The following DNMT3A variants were observed in gnomAD, a reference collection of about 807,000 sequenced individuals.
DNMT3A encodes the protein DNA (cytosine-5)-methyltransferase 3A.
In DNMT3A, 267 loss-of-function variants were observed where a neutral mutation model predicts 117.6. The ratio of observed to expected loss-of-function variants is 2.27; its 90% CI spans 2.05 to 2.51. DNMT3A has a LOEUF of 2.51. DNMT3A is among the 30% of genes most tolerant of loss of function. The pLI is 0.00. For synonymous variants in DNMT3A, 432 were observed against 474.8 expected (o/e 0.91, Z 1.17); for missense variants, 1,029 against 1,260.2 (o/e 0.82, Z 2.78).
chr2:25,273,174 C>T (rs1340374064), intron 6 of DNMT3A, among the ~76,000 whole-genome samples: 2 of 151,896 alleles, frequency 1.3e-5, no homozygotes, highest in Middle Eastern at 3.2e-3. Flanking sequence ...CAGGGTTTTG[C>T]CATGTTGGGC....
intron 4 of DNMT3A, among the ~76,000 whole-genome samples, chr2:25,276,413 A>G (rs967213566): frequency 3.9e-5 from 6 of 152,178 alleles, no homozygotes; most frequent in African/African-American, 1.4e-4. Flanking sequence ...TAGGTGCTCA[A>G]TACATGTTAG....
intron 3 of DNMT3A, among the ~76,000 whole-genome samples, chr2:25,284,645 T>TGAAAAAAAAAAAAA (rs1287436463): frequency 6.0e-5 from 1 of 16,632 alleles, no homozygotes; most frequent in Admixed American, 8.1e-4. Flanking sequence ...AGACTCCATC[T>TGAAAAAAAAAAAAA]AAAAAAAAAA....
At chr2:25,277,347 T>TC (rs2031510427) in intron 4 of DNMT3A, among the ~76,000 whole-genome samples, 1 of 151,754 alleles carries the variant, frequency 6.6e-6, no homozygotes, top group Non-Finnish European at 1.5e-5. Flanking sequence ...GGCCAGGGCT[T>TC]CCCCCTCCTC....
At chr2:25,321,155 A>G (rs2034582098) in intron 1 of DNMT3A, among the ~76,000 whole-genome samples, 1 of 151,950 alleles carries the variant, frequency 6.6e-6, no homozygotes, top group African/African-American at 2.4e-5. Flanking sequence ...TTATCTTGCA[A>G]TTCTGCAAGT....
chr2:25,236,992 T>G lies in DNMT3A; in HGVS notation c.2422A>C (p.Thr808Pro), dbSNP rs1673441593. 6.2e-7 allele frequency: 1 copy of G among 1,613,662 alleles called. No individual in the cohort carries two copies. Among genetic ancestry groups the G allele is most frequent in the Non-Finnish European group, 8.5e-7 (1 of 1,179,916 alleles). The change falls in exon 21 of 23, where the codon ACT (threonine) becomes CCT (proline). Residue 808 changes from threonine to proline, a missense_variant. By Grantham distance (38) the Thr-to-Pro change is conservative. Coordinates refer to ENST00000321117, the MANE Select transcript of DNMT3A (RefSeq NM_022552.5). The surrounding 1 kb of genome is among the most constrained non-coding windows in gnomAD (Gnocchi z 4.5). ...LPGMNRPLAS[T>P]VNDKLELQEC... is the part of the protein sequence containing the mutation. ...TGCAGCTCCAGCTTATCATTCACAGTGGATGCCAACGGCCTAGGAGGCAGA... is the reference window on the plus strand; with the variant it reads ...TGCAGCTCCAGCTTATCATTCACAGGGGATGCCAACGGCCTAGGAGGCAGA...
Position 25,228,041 on chromosome 2 carries a change from T to TAAAC in DNMT3A, c.*6234_*6237dup, listed in dbSNP as rs1207792841. 1.3e-5 allele frequency: 2 copies of TAAAC among 151,050 alleles called. No homozygotes were observed. The highest frequency in any genetic ancestry group is 4.9e-5 in the African/African-American group (2 of 41,074). The allele number at this position is 151,050 out of a possible 1,614,324, so 9.4% of individuals were successfully genotyped here. On this transcript the variant is annotated 3_prime_UTR_variant, in exon 23 of 23. Transcript: ENST00000321117. The stretch of plus-strand genomic sequence containing the variant: ...CGCATTGACCTCTTTAATTATTTCA[T>TAAAC]AAACAGCTATGTCACGAGCATCACT...
In DNMT3A at chr2:25,252,678, CG is replaced by C; in HGVS notation, c.640-4427del. 6.6e-6 allele frequency among the ~76,000 whole-genome samples: 1 copy of C among 151,624 alleles called. No individual in the cohort carries two copies. Among genetic ancestry groups the C allele is most frequent in the East Asian group, 1.9e-4 (1 of 5,134 alleles). ...CCCGAGCCGCCTGCCCGGAGGGAGC[CG>C]GGGGTCCGGGCGAAAGCAAGCCGGA... is the stretch of plus-strand genomic sequence containing the variant. On this transcript the variant is annotated intron_variant, in intron 6 of 22. Coordinates refer to ENST00000321117, the MANE Select transcript of DNMT3A (RefSeq NM_022552.5). The surrounding 1 kb of genome is among the most constrained non-coding windows in gnomAD (Gnocchi z 5.5).
chr2:25,340,090 C>G (rs1474666054), intron 1 of DNMT3A, among the ~76,000 whole-genome samples: 2 of 152,238 alleles, frequency 1.3e-5, no homozygotes, highest in Non-Finnish European at 2.9e-5. Context: ...TCTGTCCCCG[C>G]TGGTTTGGAG....
intron 1 of DNMT3A, among the ~76,000 whole-genome samples, chr2:25,321,751 T>C (rs1338599468): frequency 6.6e-6 from 1 of 152,160 alleles, no homozygotes; most frequent in Non-Finnish European, 1.5e-5. Flanking sequence ...CCGAGTGTGG[T>C]GGCACATGCC....
chr2:25,288,109 T>C (rs2032450259), intron 3 of DNMT3A, among the ~76,000 whole-genome samples: 1 of 149,552 alleles, frequency 6.7e-6, no homozygotes, highest in African/African-American at 2.5e-5. Flanking sequence ...GTGCTGAGAT[T>C]ACAGGCATGA....
At chr2:25,299,011 C>G (rs1269998522) in intron 3 of DNMT3A, among the ~76,000 whole-genome samples, 1 of 151,880 alleles carries the variant, frequency 6.6e-6, no homozygotes, top group African/African-American at 2.4e-5. Context: ...GGAGCAAGTC[C>G]TGGGCTCCAT....
rs193196946 is a variant in DNMT3A, at chr2:25,296,711, G to A, written c.177+3428C>T. The stretch of plus-strand genomic sequence containing the variant: ...GGCAGGTGGAGTCTGGTTTGGGTGA[G>A]GGCAATGCCAGGGGGCAGAAGGCAC... On this transcript the variant is annotated intron_variant, in intron 3 of 22. Coordinates refer to ENST00000321117, the MANE Select transcript of DNMT3A (RefSeq NM_022552.5). The surrounding 1 kb of genome is among the most constrained non-coding windows in gnomAD (Gnocchi z 4.2). Among the ~76,000 whole-genome samples the A allele has an allele frequency of 2.6e-5, 4 of 152,328 alleles. No individual in the cohort carries two copies. Among genetic ancestry groups the A allele is most frequent in the Admixed American group, 2.0e-4 (3 of 15,312 alleles).
chr2:25,235,287 C>T (rs201551249), intron 22 of DNMT3A, among the ~76,000 whole-genome samples: 2 of 151,880 alleles, frequency 1.3e-5, no homozygotes, highest in African/African-American at 4.8e-5. Flanking sequence ...CAGGTTCAAG[C>T]GATTCTCCTG....
chr2:25,319,083 C>T (rs1304086068), intron 1 of DNMT3A, among the ~76,000 whole-genome samples: 19 of 147,716 alleles, frequency 1.3e-4, no homozygotes, highest in Non-Finnish European at 2.2e-4. Context: ...GGTGGGATCT[C>T]GGCTCACTGC....
rs373648803 is a variant in DNMT3A at position 25,295,840 on chromosome 2, G to A, written c.177+4299C>T. Among the ~76,000 whole-genome samples, 24 of 152,344 alleles carry A rather than the reference G, an allele frequency of 1.6e-4. No individual in the cohort carries two copies. In the East Asian group the frequency reaches 4.6e-3, roughly 29 times the overall value. On this transcript the variant is annotated intron_variant, in intron 3 of 22. Coordinates refer to ENST00000321117, the MANE Select transcript of DNMT3A (RefSeq NM_022552.5). ...AAAACGCCTTTGTAGGCAGTAACAT[G>A]CTGCATAACCATGAGCCTTTACTGC...
At chr2:25,336,691 T>C (rs1277605758) in intron 1 of DNMT3A, among the ~76,000 whole-genome samples, 1 of 151,548 alleles carries the variant, frequency 6.6e-6, no homozygotes, top group Non-Finnish European at 1.5e-5. Context: ...AGAGCGATCC[T>C]CCGTGGGCCA....
In DNMT3A at chr2:25,281,765, T is replaced by C; in HGVS notation, c.448+676A>G. 9.4e-7 allele frequency: 1 copy of C among 1,065,980 alleles called. No homozygotes were observed. Among genetic ancestry groups the C allele is most frequent in the Non-Finnish European group, 1.1e-6 (1 of 879,692 alleles). 66.0% of individuals were successfully genotyped at this position (1,065,980 alleles called of 1,614,324 possible). On this transcript the variant is annotated intron_variant, in intron 4 of 22. Transcript: ENST00000321117. This position sits in a 1 kb window ranked among gnomAD's most constrained non-coding sequence, Gnocchi z 4.8. ...GCTGGCTTAACCTGAAAGAGAAAAG[T>C]GGGCAACTTTCCAGGCTTCCAGGGT...
In DNMT3A at chr2:25,249,499, C is replaced by T. The variant is rs559274501; in HGVS notation, c.640-1247G>A. ...AGTGTGTATTGTTACCAGATTCGAC[C>T]CCTTCTATGTGCACCCTTCAGATCC... On this transcript the variant is annotated intron_variant, in intron 6 of 22. Transcript: ENST00000321117. The T allele has an allele frequency of 2.5e-4, 199 of 811,120 alleles. 3 individuals are homozygous for T. The South Asian group carries it at 3.1e-3, about 12-fold the overall frequency. The allele number at this position is 811,120 out of a possible 1,614,324, so 50.2% of individuals were successfully genotyped here.
Position 25,237,130 on chromosome 2 carries a change from A to C in DNMT3A, c.2409-125T>G. The C allele has an allele frequency of 1.2e-6, 1 of 844,610 alleles. No homozygotes were observed. Among genetic ancestry groups the C allele is most frequent in the Non-Finnish European group, 1.9e-6 (1 of 535,322 alleles). The allele number at this position is 844,610 out of a possible 1,614,324, so 52.3% of individuals were successfully genotyped here. A position where few individuals can be genotyped will look rare whatever the true frequency, so the allele number is the denominator to read the frequency against. ...CACAGGGTAAGAGCCCCTTCCCCAA[A>C]TCACGCACACACGTCATAACTCTCT... is the stretch of plus-strand genomic sequence containing the variant. On this transcript the variant is annotated intron_variant, in intron 20 of 22. Coordinates refer to ENST00000321117, the MANE Select transcript of DNMT3A (RefSeq NM_022552.5). The surrounding 1 kb of genome is among the most constrained non-coding windows in gnomAD (Gnocchi z 5.4).
Sources: allele counts gnomAD v4.1 joint callset (sites outside exome capture counted in the v4.1 genomes callset), GRCh38; gene constraint gnomAD v4.1.1; non-coding constraint Gnocchi (gnomAD v3.1); transcripts MANE v1.5; gene names NCBI Gene and HGNC (gene_info 2026-07-23, HGNC 2026-07-21).